The following KCNQ1 variants were observed in gnomAD, a reference collection of about 807,000 sequenced individuals.
KCNQ1 encodes the protein potassium voltage-gated channel subfamily KQT member 1.
A neutral mutation model predicts 72.4 loss-of-function variants in KCNQ1; 49 were observed. The observed-to-expected ratio is 0.68, with a 90% CI of 0.54 to 0.86. The LOEUF (loss-of-function observed/expected upper bound fraction) is 0.86, where lower values mean the gene tolerates loss of function less well. Ranked by LOEUF, KCNQ1 falls within the 40% of genes least tolerant of loss-of-function variation. The pLI is 0.00. For synonymous variants in KCNQ1, 450 were observed against 412.6 expected (o/e 1.09, Z -1.10); for missense variants, 790 against 945.1 (o/e 0.84, Z 2.15).
Position 2,562,158 on chromosome 11 carries a change from C to T in KCNQ1, c.478-8470C>T, listed in dbSNP as rs1457593245. 2.8e-5 allele frequency among the ~76,000 whole-genome samples: 4 copies of T among 143,300 alleles called. No homozygotes were observed. Among genetic ancestry groups the T allele is most frequent in the Admixed American group, 6.9e-5 (1 of 14,436 alleles). The allele number at this position is 143,300 out of a possible 152,430, so 94.0% of individuals were successfully genotyped here. On this transcript the variant is annotated intron_variant, in intron 2 of 15. Coordinates refer to ENST00000155840, the MANE Select transcript of KCNQ1 (RefSeq NM_000218.3). This position sits in a 1 kb window ranked among gnomAD's most constrained non-coding sequence, Gnocchi z 7.5. The stretch of plus-strand genomic sequence containing the variant: ...CTGGGCCTGGCCGGCTGCACTGTGG[C>T]GCCTGCCCCAGGCCAGGCTACCTTG...
intron 11 of KCNQ1, among the ~76,000 whole-genome samples, chr11:2,706,362 C>T (rs1394457988): frequency 2.0e-5 from 3 of 152,200 alleles, no homozygotes; most frequent in Admixed American, 6.5e-5. Flanking sequence ...GAACTGAGGC[C>T]TCCTATAAAT....
In KCNQ1 at chr11:2,669,606, T is replaced by C; in HGVS notation, c.1514+7525T>C. On this transcript the variant is annotated intron_variant, in intron 11 of 15. Coordinates refer to ENST00000155840, the MANE Select transcript of KCNQ1 (RefSeq NM_000218.3). The surrounding 1 kb of genome is among the most constrained non-coding windows in gnomAD (Gnocchi z 5.6). Reference sequence around the variant, plus strand: ...TCCTGCCCACAGGACACTGGGGCAGTCACCTAATCTCTATCAGCCTCAGTT... The same window carrying C: ...TCCTGCCCACAGGACACTGGGGCAGCCACCTAATCTCTATCAGCCTCAGTT... 5.0e-6 allele frequency: 2 copies of C among 398,642 alleles called. No homozygotes were observed. The allele number at this position is 398,642 out of a possible 1,614,324, so 24.7% of individuals were successfully genotyped here.
intron 12 of KCNQ1, among the ~76,000 whole-genome samples, chr11:2,773,684 A>G (rs1829358749): frequency 6.8e-6 from 1 of 146,982 alleles, no homozygotes; most frequent in South Asian, 2.2e-4. Context: ...CAGTATCTCC[A>G]TCTTACAGGA....
intron 10 of KCNQ1, among the ~76,000 whole-genome samples, chr11:2,594,346 T>C (rs1008436777): frequency 2.6e-5 from 4 of 152,212 alleles, no homozygotes; most frequent in Admixed American, 2.6e-4. Flanking sequence ...TTCAGAAACC[T>C]TCCTTTTGAC....
At chr11:2,814,017 T>TGGATA (rs1460088750) in intron 15 of KCNQ1, among the ~76,000 whole-genome samples, 1 of 134,172 alleles carries the variant, frequency 7.5e-6, no homozygotes, top group African/African-American at 2.9e-5. Flanking sequence ...GATGGATGGA[T>TGGATA]GATGGATGGA....
rs536814319 is a variant in KCNQ1, at chr11:2,486,636, A to C, written c.386+41152A>C. On this transcript the variant is annotated intron_variant, in intron 1 of 15. Transcript: ENST00000155840. This position sits in a 1 kb window ranked among gnomAD's most constrained non-coding sequence, Gnocchi z 5.0. ...AGGTTTAATTGGCTTATGGTTCTGC[A>C]GGCTGTACAAGAAACATGGTGCCAG... 2.0e-5 allele frequency among the ~76,000 whole-genome samples: 3 copies of C among 152,220 alleles called. No individual in the cohort carries two copies. The highest frequency in any genetic ancestry group is 4.4e-5 in the Non-Finnish European group (3 of 68,036).
intron 10 of KCNQ1, chr11:2,650,980 T>A: frequency 5.0e-6 from 2 of 398,666 alleles, no homozygotes; most frequent in Non-Finnish European, 8.8e-6. Context: ...GTATGTCTTA[T>A]CAACTCTCTG....
chr11:2,652,086 C>T lies in KCNQ1; in HGVS notation c.1394-9875C>T. The T allele has an allele frequency of 2.5e-6, 1 of 398,686 alleles. No homozygotes were observed. The highest frequency in any genetic ancestry group is 4.4e-6 in the Non-Finnish European group (1 of 226,108). 24.7% of individuals were successfully genotyped at this position (398,686 alleles called of 1,614,324 possible). ...CAATTTGAGAAGCTATGGGGAGCCT[C>T]TCGGCCCCAGTTCTGGCCTGGCTGG... On this transcript the variant is annotated intron_variant, in intron 10 of 15. Coordinates refer to ENST00000155840, the MANE Select transcript of KCNQ1 (RefSeq NM_000218.3). This position sits in a 1 kb window ranked among gnomAD's most constrained non-coding sequence, Gnocchi z 5.9.
intron 7 of KCNQ1, 112 bp from the exon 8 acceptor site, chr11:2,585,100 G>A: frequency 1.1e-6 from 1 of 949,396 alleles, no homozygotes; most frequent in Non-Finnish European, 1.7e-6. Context: ...GGGGCTTCCA[G>A]CACTGACCAT....
In KCNQ1 at chr11:2,488,423, A is replaced by G. The variant is rs1000012051; in HGVS notation, c.387-39505A>G. ...TTTAATTTTTTGGGAAAGATTGAGA[A>G]GGATGGGAGTTTATTCTTTAAATAT... On this transcript the variant is annotated intron_variant, in intron 1 of 15. Coordinates refer to ENST00000155840, the MANE Select transcript of KCNQ1 (RefSeq NM_000218.3). The surrounding 1 kb of genome is among the most constrained non-coding windows in gnomAD (Gnocchi z 5.1). Among the ~76,000 whole-genome samples the G allele has an allele frequency of 1.3e-5, 2 of 152,170 alleles. No homozygotes were observed. Among genetic ancestry groups the G allele is most frequent in the African/African-American group, 4.8e-5 (2 of 41,444 alleles).
In KCNQ1 at chr11:2,687,548, C is replaced by G. The variant is rs1013424009; in HGVS notation, c.1514+25467C>G. On this transcript the variant is annotated intron_variant, in intron 11 of 15. Coordinates refer to ENST00000155840, the MANE Select transcript of KCNQ1 (RefSeq NM_000218.3). The surrounding 1 kb of genome is among the most constrained non-coding windows in gnomAD (Gnocchi z 5.0). The stretch of plus-strand genomic sequence containing the variant: ...TATGGTCCCTTCCCTGGTGCACCTA[C>G]CACAGCCCACTCTGATGACCCCCTG... 5 of 398,618 alleles carry G rather than the reference C, an allele frequency of 1.3e-5. No individual in the cohort carries two copies. Among genetic ancestry groups the G allele is most frequent in the Middle Eastern group, 1.2e-3 (2 of 1,614 alleles). The allele number at this position is 398,618 out of a possible 1,614,324, so 24.7% of individuals were successfully genotyped here.
Position 2,562,807 on chromosome 11 carries a change from C to T in KCNQ1, c.478-7821C>T, listed in dbSNP as rs1177951558. Among the ~76,000 whole-genome samples the T allele has an allele frequency of 1.3e-5, 2 of 152,132 alleles. No individual in the cohort carries two copies. Among genetic ancestry groups the T allele is most frequent in the East Asian group, 3.9e-4 (2 of 5,190 alleles). The stretch of plus-strand genomic sequence containing the variant: ...CCGGCTGTGTTTCTGCATCCTTGAC[C>T]CTGGCCCCTTCCACAAAGCTCAGCT... On this transcript the variant is annotated intron_variant, in intron 2 of 15. Coordinates refer to ENST00000155840, the MANE Select transcript of KCNQ1 (RefSeq NM_000218.3). The surrounding 1 kb of genome is among the most constrained non-coding windows in gnomAD (Gnocchi z 7.5).
chr11:2,617,165 T>G lies in KCNQ1; in HGVS notation c.1393+28311T>G, dbSNP rs888550660. On this transcript the variant is annotated intron_variant, in intron 10 of 15. Transcript: ENST00000155840. The surrounding 1 kb of genome is among the most constrained non-coding windows in gnomAD (Gnocchi z 4.6). Reference sequence around the variant, plus strand: ...CTATTCTCATGTTCTACATGAGATCTCTAGACTTGTTCATCCTATATATCT... The same window carrying G: ...CTATTCTCATGTTCTACATGAGATCGCTAGACTTGTTCATCCTATATATCT... The G allele has an allele frequency of 2.5e-6, 1 of 398,248 alleles. No individual in the cohort carries two copies. Among genetic ancestry groups the G allele is most frequent in the African/African-American group, 2.1e-5 (1 of 48,612 alleles). 24.7% of individuals were successfully genotyped at this position (398,248 alleles called of 1,614,324 possible). A position where few individuals can be genotyped will look rare whatever the true frequency, so the allele number is the denominator to read the frequency against.
In KCNQ1 at chr11:2,668,590, A is replaced by G. The variant is rs577044796; in HGVS notation, c.1514+6509A>G. The stretch of plus-strand genomic sequence containing the variant: ...ATGTTATCATTTAGTCAGATACATC[A>G]TTCTGTATAAATTGCCTACATCTTC... On this transcript the variant is annotated intron_variant, in intron 11 of 15. Transcript: ENST00000155840. The surrounding 1 kb of genome is among the most constrained non-coding windows in gnomAD (Gnocchi z 4.3). 6.8e-5 allele frequency: 27 copies of G among 398,610 alleles called. No individual in the cohort carries two copies. In the South Asian group the frequency reaches 1.3e-3, roughly 19 times the overall value. The allele number at this position is 398,610 out of a possible 1,614,324, so 24.7% of individuals were successfully genotyped here.
chr11:2,718,552 TTC>T (rs1338822733), intron 11 of KCNQ1, among the ~76,000 whole-genome samples: 1 of 152,212 alleles, frequency 6.6e-6, no homozygotes, highest in African/African-American at 2.4e-5. Flanking sequence ...TGGAGGATAG[TTC>T]GGGCATCTGA....
chr11:2,462,698 T>G lies in KCNQ1; in HGVS notation c.386+17214T>G, dbSNP rs1340889194. Among the ~76,000 whole-genome samples the G allele has an allele frequency of 7.0e-6, 1 of 143,342 alleles. No individual in the cohort carries two copies. Among genetic ancestry groups the G allele is most frequent in the Non-Finnish European group, 1.5e-5 (1 of 65,926 alleles). The allele number at this position is 143,342 out of a possible 152,430, so 94.0% of individuals were successfully genotyped here. On this transcript the variant is annotated intron_variant, in intron 1 of 15. Transcript: ENST00000155840. This position sits in a 1 kb window ranked among gnomAD's most constrained non-coding sequence, Gnocchi z 8.2. ...CTTAGACAGCTTGGAGGGCCAGGAC[T>G]GAGGGGAGGGGGCGGTGGAGTGAAG...
At position 2,657,366 on chromosome 11, in the gene KCNQ1, A is replaced by C. The variant is rs1468132302; in HGVS notation, c.1394-4595A>C. The C allele has an allele frequency of 5.0e-6, 2 of 398,442 alleles. No homozygotes were observed. The highest frequency in any genetic ancestry group is 4.4e-5 in the Admixed American group (1 of 22,724). 24.7% of individuals were successfully genotyped at this position (398,442 alleles called of 1,614,324 possible). A position where few individuals can be genotyped will look rare whatever the true frequency, so the allele number is the denominator to read the frequency against. Reference sequence around the variant, plus strand: ...AATGAAGGCATATTTCTCCATTTATATCTTCTTCATTGTCTCTTACTAAAG... The same window carrying C: ...AATGAAGGCATATTTCTCCATTTATCTCTTCTTCATTGTCTCTTACTAAAG... On this transcript the variant is annotated intron_variant, in intron 10 of 15. Coordinates refer to ENST00000155840, the MANE Select transcript of KCNQ1 (RefSeq NM_000218.3). This position sits in a 1 kb window ranked among gnomAD's most constrained non-coding sequence, Gnocchi z 4.8.
rs1850335077 is a variant in KCNQ1, at chr11:2,678,635, G to A, written c.1514+16554G>A. Reference sequence around the variant, plus strand: ...TCTCCATTACTTAAGAGCCAATAATGGGAAGCTCATTTTCACAAATGCAGT... The same window carrying A: ...TCTCCATTACTTAAGAGCCAATAATAGGAAGCTCATTTTCACAAATGCAGT... On this transcript the variant is annotated intron_variant, in intron 11 of 15. Coordinates refer to ENST00000155840, the MANE Select transcript of KCNQ1 (RefSeq NM_000218.3). The surrounding 1 kb of genome is among the most constrained non-coding windows in gnomAD (Gnocchi z 4.9). The A allele has an allele frequency of 1.0e-5, 4 of 396,392 alleles. No individual in the cohort carries two copies. The East Asian group carries it at 1.4e-4, about 14-fold the overall frequency. 24.6% of individuals were successfully genotyped at this position (396,392 alleles called of 1,614,324 possible). A position where few individuals can be genotyped will look rare whatever the true frequency, so the allele number is the denominator to read the frequency against.
At chr11:2,635,190 A>G (rs2133821433) in intron 10 of KCNQ1, 1 of 152,118 alleles carries the variant, frequency 6.6e-6, no homozygotes, top group South Asian at 2.1e-4. Context: ...GTTTAATTAG[A>G]TCCCATTTGT....
Sources: allele counts gnomAD v4.1 joint callset (sites outside exome capture counted in the v4.1 genomes callset), GRCh38; gene constraint gnomAD v4.1.1; non-coding constraint Gnocchi (gnomAD v3.1); transcripts MANE v1.5; gene names NCBI Gene and HGNC (gene_info 2026-07-23, HGNC 2026-07-21).